The following C1orf87 variants were observed in gnomAD, a reference collection of about 807,000 sequenced individuals.
The protein encoded by C1orf87 is uncharacterized protein C1orf87.
C1orf87 carries 58 observed loss-of-function variants against 60.5 expected under a neutral mutation model. That is an observed-to-expected ratio of 0.96 (90% CI 0.78 to 1.19). The LOEUF is 1.19. Ranked by LOEUF, C1orf87 falls within the 50% of genes most tolerant of loss-of-function variation. The pLI is 0.00. For missense variants in C1orf87, 673 were observed against 638.6 expected, an observed-to-expected ratio of 1.05 and a Z score of -0.58; for synonymous variants, 236 against 227.4, an observed-to-expected ratio of 1.04 and a Z score of -0.34.
At chr1:60,059,675 C>T (rs1645481531) in intron 2 of C1orf87, among the ~76,000 whole-genome samples, 1 of 152,144 alleles carries the variant, frequency 6.6e-6, no homozygotes, top group Non-Finnish European at 1.5e-5. Flanking sequence ...GATTACACCC[C>T]TGCCGAGAAC....
Position 60,006,938 on chromosome 1 carries a change from G to A in C1orf87, c.1192+3454C>T, listed in dbSNP as rs112199192. 1.3e-3 allele frequency among the ~76,000 whole-genome samples: 195 copies of A among 151,358 alleles called. 1 individual carries two copies. Among genetic ancestry groups the A allele is most frequent in the African/African-American group, 4.4e-3 (183 of 41,230 alleles). On this transcript the variant is annotated intron_variant, in intron 9 of 11. Coordinates refer to ENST00000371201, the MANE Select transcript of C1orf87 (RefSeq NM_152377.3). ...TGCATACTTTTTTTTTTCTGACAGG[G>A]TCTCACTCTTTTGCACAAGCTGGAG...
chr1:60,015,600 T>C (rs1645119466), intron 8 of C1orf87, among the ~76,000 whole-genome samples: 1 of 152,310 alleles, frequency 6.6e-6, no homozygotes, highest in Admixed American at 6.5e-5. Flanking sequence ...ATGGCCACTT[T>C]CTTGCTGTGT....
intron 9 of C1orf87, among the ~76,000 whole-genome samples, chr1:60,004,019 A>T (rs1445295219): frequency 6.6e-6 from 1 of 152,100 alleles, no homozygotes; most frequent in East Asian, 1.9e-4. Context: ...ACGAGAACCC[A>T]TCCTCAACTA....
intron 3 of C1orf87, among the ~76,000 whole-genome samples, chr1:60,048,223 C>T (rs1002970176): frequency 2.0e-5 from 3 of 152,180 alleles, no homozygotes; most frequent in Non-Finnish European, 2.9e-5. Context: ...CCATGTCATG[C>T]ACACCCCTAG....
intron 8 of C1orf87, among the ~76,000 whole-genome samples, chr1:60,016,746 T>C (rs1645127284): frequency 6.6e-6 from 1 of 152,214 alleles, no homozygotes; most frequent in Non-Finnish European, 1.5e-5. Context: ...AGCTCTGGGC[T>C]TGTTTGGATC....
chr1:60,072,797 A>G (rs936100354), intron 1 of C1orf87, 127 bp from the exon 2 acceptor site: 24 of 547,974 alleles, frequency 4.4e-5, no homozygotes, highest in Non-Finnish European at 7.1e-5. Flanking sequence ...CTCACTTAAC[A>G]CTCCTAACAA....
Position 60,025,505 on chromosome 1 carries a change from G to A in C1orf87, c.1030-7C>T, listed in dbSNP as rs202205019. 1.3e-6 allele frequency: 2 copies of A among 1,564,078 alleles called. No homozygotes were observed. The highest frequency in any genetic ancestry group is 1.7e-6 in the Non-Finnish European group (2 of 1,157,516). On this transcript the variant is annotated splice_region_variant and splice_polypyrimidine_tract_variant and intron_variant, in intron 7 of 11. Coordinates refer to ENST00000371201, the MANE Select transcript of C1orf87 (RefSeq NM_152377.3). ...TCCCACATATAGCCCTGACCTACAA[G>A]TTAAAAAAAAATAAAAAAGATTTGA...
chr1:60,033,503 C>T lies in C1orf87; in HGVS notation c.1002G>A (p.Ser334=), dbSNP rs143306171. ...LNLSFRKEDR[S]FSGCLPLPKV... is the part of the protein sequence containing the mutation. ...TAGGTAGAGGGAGGCAGCCAGAGAA[C>T]GAGCGATCTTCTTTTCGAAAACTCA... Residue 334 remains serine, a synonymous_variant, in exon 7 of 12, where the codon TCG becomes TCA. Transcript: ENST00000371201. 2.7e-4 allele frequency: 439 copies of T among 1,613,772 alleles called. 2 individuals are homozygous for T. The East Asian group carries it at 7.3e-3, about 27-fold the overall frequency.
intron 8 of C1orf87, among the ~76,000 whole-genome samples, chr1:60,024,889 A>ACC (rs1224240951): frequency 6.6e-6 from 1 of 152,150 alleles, no homozygotes; most frequent in Non-Finnish European, 1.5e-5. Flanking sequence ...TGTAAGTGGA[A>ACC]GTTTCCTGCT....
intron 8 of C1orf87, among the ~76,000 whole-genome samples, chr1:60,014,648 A>C (rs1209457804): frequency 6.6e-6 from 1 of 152,114 alleles, no homozygotes; most frequent in Non-Finnish European, 1.5e-5. Context: ...CTCTTCTATG[A>C]GGGTTATGAA....
At chr1:60,045,327 A>G (rs927449185) in intron 3 of C1orf87, among the ~76,000 whole-genome samples, 1 of 152,210 alleles carries the variant, frequency 6.6e-6, no homozygotes, top group Admixed American at 6.5e-5. Context: ...GTAGACTTAG[A>G]AAAAAATGTA....
chr1:60,072,820 G>A (rs1412818096), intron 1 of C1orf87, 150 bp from the exon 2 acceptor site: 1 of 550,378 alleles, frequency 1.8e-6, no homozygotes, highest in Non-Finnish European at 3.2e-6. Context: ...GCATGAGAAA[G>A]ATATTTTTAA....
At position 60,033,561 on chromosome 1, in the gene C1orf87, G is replaced by T; in HGVS notation, c.944C>A (p.Thr315Asn). 1 of 1,613,746 alleles carries T rather than the reference G, an allele frequency of 6.2e-7. No homozygotes were observed. The highest frequency in any genetic ancestry group is 8.5e-7 in the Non-Finnish European group (1 of 1,179,820). The change falls in exon 7 of 12, where the codon ACC becomes AAC. Residue 315 changes from threonine to asparagine, a missense_variant. Physicochemically the swap from Thr to Asn is moderately conservative, Grantham distance 65. Transcript: ENST00000371201. The stretch of plus-strand genomic sequence containing the variant: ...ATTGTCTATGTTGAGTCTGCCATTG[G>T]TTGTCCTTAGTGCCATCTTCAAAAT... The part of the protein sequence containing the change: ...LEILKMALRT[T>N]NGRLNIDNLN...
intron 2 of C1orf87, among the ~76,000 whole-genome samples, chr1:60,071,450 C>T (rs571873490): frequency 1.3e-5 from 2 of 152,324 alleles, no homozygotes; most frequent in Non-Finnish European, 2.9e-5. Context: ...CACCTCTCAG[C>T]ACTGTAGGGA....
At chr1:60,002,660 T>G (rs960891625) in intron 9 of C1orf87, among the ~76,000 whole-genome samples, 3 of 152,096 alleles carry the variant, frequency 2.0e-5, no homozygotes, top group Non-Finnish European at 2.9e-5. Flanking sequence ...GTCAATTTTG[T>G]CTTTTGTTGC....
At chr1:60,057,344 C>A (rs1272016441) in intron 2 of C1orf87, among the ~76,000 whole-genome samples, 1 of 151,984 alleles carries the variant, frequency 6.6e-6, no homozygotes, top group Non-Finnish European at 1.5e-5. Flanking sequence ...AGAAGGGGGA[C>A]AAGCAATGTA....
chr1:60,012,878 C>T (rs1304293748), intron 8 of C1orf87, among the ~76,000 whole-genome samples: 3 of 152,116 alleles, frequency 2.0e-5, no homozygotes, highest in Non-Finnish European at 4.4e-5. Context: ...TCTATTCGAA[C>T]GTAATGTAAC....
chr1:60,040,861 G>T, intron 4 of C1orf87, 130 bp downstream of exon 4: 2 of 973,856 alleles, frequency 2.1e-6, no homozygotes, highest in Non-Finnish European at 2.8e-6. Context: ...TCAAAGTGCT[G>T]GCATTACAGG....
intron 11 of C1orf87, among the ~76,000 whole-genome samples, chr1:59,995,335 C>T (rs1644956066): frequency 6.6e-6 from 1 of 152,102 alleles, no homozygotes; most frequent in Non-Finnish European, 1.5e-5. Flanking sequence ...ATAATCTTTT[C>T]ATCTCCTTCT....
Sources: gnomAD v4.1 joint callset for allele counts (sites outside exome capture counted in the v4.1 genomes callset) on GRCh38, gnomAD v4.1.1 for gene constraint, MANE v1.5 for transcripts, NCBI Gene and HGNC (gene_info 2026-07-23, HGNC 2026-07-21) for gene names.